LTBP2: variants seen among roughly 807,000 people sequenced by gnomAD.
The protein encoded by LTBP2 is latent transforming growth factor beta binding protein 2.
A neutral mutation model predicts 210.6 loss-of-function variants in LTBP2; 103 were observed. The observed-to-expected ratio is 0.49, with a 90% CI of 0.42 to 0.58. LTBP2 has a LOEUF of 0.58. Ranked by LOEUF, LTBP2 falls within the 20% of genes least tolerant of loss-of-function variation. LTBP2 has a pLI of 0.00. For synonymous variants in LTBP2, 1,007 were observed against 1,015.0 expected (o/e 0.99, Z 0.15); for missense variants, 2,313 against 2,494.5 (o/e 0.93, Z 1.55).
intron 18 of LTBP2, among the ~76,000 whole-genome samples, chr14:74,514,620 G>A (rs928110996): frequency 4.5e-4 from 68 of 152,250 alleles, no homozygotes; most frequent in African/African-American, 1.5e-3. Flanking sequence ...GTTATGGCTG[G>A]GCGACACCAA....
chr14:74,555,877 T>C (rs987375087), intron 3 of LTBP2, among the ~76,000 whole-genome samples, 184 bp from the exon 4 acceptor site: 95 of 152,374 alleles, frequency 6.2e-4, no homozygotes, highest in African/African-American at 2.1e-3. Flanking sequence ...ATCTAAGGCC[T>C]GCCGGCTAGT....
intron 17 of LTBP2, among the ~76,000 whole-genome samples, chr14:74,520,918 C>T (rs1248925272): frequency 6.6e-6 from 1 of 152,258 alleles, no homozygotes; most frequent in East Asian, 1.9e-4. Flanking sequence ...CCTACAGTGT[C>T]ACCATTCACA....
Position 74,500,940 on chromosome 14 carries a change from A to G in LTBP2, c.5410T>C (p.Cys1804Arg), listed in dbSNP as rs776552082. 30 of 1,614,068 alleles carry G rather than the reference A, an allele frequency of 1.9e-5. 1 individual carries two copies. The South Asian group carries it at 3.0e-4, about 16-fold the overall frequency. ...GCCTCAGCCACATATCCCGGGGAGCAGTGGCAGCGGTAGGAGCCCTCTGTG... is the reference window on the plus strand; with the variant it reads ...GCCTCAGCCACATATCCCGGGGAGCGGTGGCAGCGGTAGGAGCCCTCTGTG... Reference protein sequence around the residue: ...ENTEGSYRCHCSPGYVAEAGP... With the variant: ...ENTEGSYRCHRSPGYVAEAGP... The change falls in exon 36 of 36, where the codon TGC becomes CGC. Residue 1804 changes from cysteine to arginine, a missense_variant. Physicochemically the swap from Cys to Arg is radical, Grantham distance 180. Transcript: ENST00000261978.
Position 74,499,880 on chromosome 14 carries a change from G to A in LTBP2, c.*1004C>T. On this transcript the variant is annotated 3_prime_UTR_variant, in exon 36 of 36. Transcript: ENST00000261978. ...CGTTTTCTGAAGGGAAAGGGCAGGG[G>A]TTTCTGAGTGGAGGGGAAAAACAAC... 4.3e-6 allele frequency: 1 copy of A among 231,194 alleles called. No homozygotes were observed. The highest frequency in any genetic ancestry group is 8.6e-6 in the Non-Finnish European group (1 of 116,742). 14.3% of individuals were successfully genotyped at this position (231,194 alleles called of 1,614,324 possible). A position where few individuals can be genotyped will look rare whatever the true frequency, so the allele number is the denominator to read the frequency against.
At chr14:74,583,438 G>A (rs933501199) in intron 3 of LTBP2, among the ~76,000 whole-genome samples, 1 of 152,246 alleles carries the variant, frequency 6.6e-6, no homozygotes, top group African/African-American at 2.4e-5. Flanking sequence ...TGGGCCAACA[G>A]TAGGGCACTC....
At chr14:74,509,032 G>A (rs1268870212) in intron 22 of LTBP2, 80 bp from the exon 23 acceptor site, 1 of 1,596,900 alleles carries the variant, frequency 6.3e-7, no homozygotes, top group East Asian at 2.2e-5. Flanking sequence ...GTCTCCAGAG[G>A]ACCTGTCACC....
chr14:74,562,165 G>A (rs2139760054), intron 3 of LTBP2, among the ~76,000 whole-genome samples: 1 of 151,792 alleles, frequency 6.6e-6, no homozygotes, highest in South Asian at 2.1e-4. Context: ...AACCGAGATT[G>A]CACCACTGCA....
At chr14:74,564,162 TTTA>T in intron 3 of LTBP2, among the ~76,000 whole-genome samples, 1 of 47,298 alleles carries the variant, frequency 2.1e-5, no homozygotes, top group Admixed American at 4.0e-4. Context: ...TATATATATA[TTTA>T]TATATATATT....
At chr14:74,562,196 GTGAGACT>G (rs2087802731) in intron 3 of LTBP2, among the ~76,000 whole-genome samples, 1 of 151,604 alleles carries the variant, frequency 6.6e-6, no homozygotes, top group Non-Finnish European at 1.5e-5. Context: ...GGTGACAAGA[GTGAGACT>G]CCGTCTCAGA....
At chr14:74,602,082 G>A (rs1353838025) in intron 2 of LTBP2, among the ~76,000 whole-genome samples, 2 of 152,192 alleles carry the variant, frequency 1.3e-5, no homozygotes, top group East Asian at 1.9e-4. Flanking sequence ...TGGTCTGTGG[G>A]GATTCCACAC....
rs1407934721 is a variant in LTBP2, at chr14:74,586,997, T to A, written c.566-879A>T. On this transcript the variant is annotated intron_variant, in intron 2 of 35. Transcript: ENST00000261978. The surrounding 1 kb of genome is among the most constrained non-coding windows in gnomAD (Gnocchi z 4.6). ...CAGGCCCTCCTCCCGGTTAGCCCTA[T>A]GCAGCATTAGCCACCAGCTCCCCAG... 6.6e-6 allele frequency among the ~76,000 whole-genome samples: 1 copy of A among 152,186 alleles called. No homozygotes were observed. The highest frequency in any genetic ancestry group is 1.5e-5 in the Non-Finnish European group (1 of 68,028).
intron 3 of LTBP2, among the ~76,000 whole-genome samples, chr14:74,561,412 T>C (rs995095169): frequency 3.3e-5 from 5 of 152,158 alleles, no homozygotes; most frequent in African/African-American, 1.2e-4. Flanking sequence ...GTTATTTTAG[T>C]GAATGAAAAA....
In LTBP2 at chr14:74,508,233, G is replaced by C. The variant is rs2087017100; in HGVS notation, c.3653-138C>G. 9.7e-6 allele frequency: 11 copies of C among 1,130,494 alleles called. No homozygotes were observed. The South Asian group carries it at 1.4e-4, about 14-fold the overall frequency. 70.0% of individuals were successfully genotyped at this position (1,130,494 alleles called of 1,614,324 possible). A position where few individuals can be genotyped will look rare whatever the true frequency, so the allele number is the denominator to read the frequency against. ...ATGTAGGAAAAGGCTCGAAGCCAGA[G>C]GCCAGGCTGTGGGAGGTGGGCACCG... On this transcript the variant is annotated intron_variant, in intron 24 of 35. Coordinates refer to ENST00000261978, the MANE Select transcript of LTBP2 (RefSeq NM_000428.3).
chr14:74,509,253 C>T lies in LTBP2; in HGVS notation c.3388G>A (p.Gly1130Ser). The change falls in exon 22 of 36, where the codon GGT becomes AGT. Residue 1130 changes from glycine (G) to serine (S), a missense_variant. Gly to Ser is a moderately conservative substitution (Grantham distance 56). This residue lies in a region of LTBP2 where 1,867 missense variants were observed against 1,976.9 expected (regional missense o/e 0.94). Transcript: ENST00000261978. The part of the protein sequence containing the change: ...CDGGYRPSPL[G>S]DSCEDVDECE... ...AGGCTCATACCTTCACAGGAGTCAC[C>T]CAGGGGGCTGGGCCGGTAGCCCCCA... 1.2e-6 allele frequency: 2 copies of T among 1,613,634 alleles called. No individual in the cohort carries two copies. Among genetic ancestry groups the T allele is most frequent in the Middle Eastern group, 3.3e-4 (2 of 6,062 alleles).
intron 5 of LTBP2, 151 bp from the exon 6 acceptor site, chr14:74,552,544 T>G: frequency 1.3e-6 from 1 of 751,862 alleles, no homozygotes; most frequent in South Asian, 1.5e-5. Flanking sequence ...GACTTTCCAC[T>G]TCATTCATGT....
At chr14:74,578,873 G>A (rs563041026) in intron 3 of LTBP2, among the ~76,000 whole-genome samples, 3 of 152,262 alleles carry the variant, frequency 2.0e-5, no homozygotes, top group South Asian at 2.1e-4. Flanking sequence ...GTTTGTTTTC[G>A]AGACAGAGTT....
At chr14:74,596,576 T>A (rs988891709) in intron 2 of LTBP2, among the ~76,000 whole-genome samples, 1 of 152,144 alleles carries the variant, frequency 6.6e-6, no homozygotes, top group African/African-American at 2.4e-5. Context: ...GTGGGATGTG[T>A]TGAGGGCGGC....
At chr14:74,561,111 G>A (rs1047915121) in intron 3 of LTBP2, among the ~76,000 whole-genome samples, 4 of 152,192 alleles carry the variant, frequency 2.6e-5, no homozygotes, top group African/African-American at 9.7e-5. Context: ...TTGAGGTCAG[G>A]AGTTCGAGAC....
intron 14 of LTBP2, 101 bp downstream of exon 14, chr14:74,525,974 T>A (rs2087266865): frequency 8.2e-6 from 10 of 1,226,144 alleles, no homozygotes; most frequent in South Asian, 7.7e-5. Flanking sequence ...CTGATGTGTG[T>A]GTGAGCGTGA....
Sources: allele counts gnomAD v4.1 joint callset (sites outside exome capture counted in the v4.1 genomes callset), GRCh38; gene constraint gnomAD v4.1.1; regional missense constraint gnomAD v4.1.1; non-coding constraint Gnocchi (gnomAD v3.1); transcripts MANE v1.5; gene names NCBI Gene and HGNC (gene_info 2026-07-23, HGNC 2026-07-21).